The following SLCO6A1 variants were observed in gnomAD, a reference collection of about 807,000 sequenced individuals.
SLCO6A1 encodes cancer/testis antigen 48.
Under a neutral mutation model 72.7 loss-of-function variants are expected in SLCO6A1, and 65 were observed. The observed-to-expected ratio is 0.89, with a 90% confidence interval of 0.73 to 1.10. SLCO6A1 has a LOEUF of 1.10. Among genes scored for constraint, SLCO6A1 ranks in the 50% least tolerant of loss-of-function variants. SLCO6A1 has a pLI of 0.00. For missense variants in SLCO6A1, 874 were observed against 872.6 expected (o/e 1.00, Z -0.02); for synonymous variants, 314 against 298.2 (o/e 1.05, Z -0.55).
chr5:102,397,827 A>AT (rs1214530346), intron 10 of SLCO6A1, among the ~76,000 whole-genome samples: 8 of 151,986 alleles, frequency 5.3e-5, no homozygotes, highest in Admixed American at 2.0e-4. Context: ...CAACTTTGTC[A>AT]TTTTTTTGTT....
intron 4 of SLCO6A1, among the ~76,000 whole-genome samples, chr5:102,472,511 A>G (rs1288816597): frequency 1.3e-5 from 2 of 152,092 alleles, no homozygotes; most frequent in Non-Finnish European, 2.9e-5. Context: ...TCTCAACAAG[A>G]GAACAAGAAA....
intron 12 of SLCO6A1, among the ~76,000 whole-genome samples, chr5:102,375,018 C>T (rs1270943612): frequency 3.3e-5 from 5 of 152,078 alleles, no homozygotes; most frequent in Non-Finnish European, 7.4e-5. Context: ...ACAGCTTTTT[C>T]TCTGTGGTTA....
intron 12 of SLCO6A1, among the ~76,000 whole-genome samples, chr5:102,388,206 T>G (rs965740806): frequency 2.6e-5 from 4 of 152,208 alleles, no homozygotes; most frequent in Non-Finnish European, 4.4e-5. Flanking sequence ...TTTCCCAAAC[T>G]AAAATTCTGC....
At chr5:102,458,204 A>T (rs1750836525) in intron 6 of SLCO6A1, among the ~76,000 whole-genome samples, 178 bp downstream of exon 6, 1 of 152,146 alleles carries the variant, frequency 6.6e-6, no homozygotes, top group Non-Finnish European at 1.5e-5. Flanking sequence ...ATACATATGT[A>T]ACTAACCGGC....
intron 6 of SLCO6A1, among the ~76,000 whole-genome samples, chr5:102,452,087 T>C (rs62371008): frequency 0.052 from 7,886 of 152,310 alleles, 337 homozygotes; most frequent in Non-Finnish European, 0.071. Flanking sequence ...ACATTCATTT[T>C]GTCTTTTACA....
rs1252347016 is a variant in SLCO6A1, at chr5:102,372,088, C to T, written c.*51G>A. The T allele has an allele frequency of 1.3e-5, 2 of 151,934 alleles. No homozygotes were observed. Among genetic ancestry groups the T allele is most frequent in the South Asian group, 4.1e-4 (2 of 4,826 alleles). The allele number at this position is 151,934 out of a possible 1,614,324, so 9.4% of individuals were successfully genotyped here. On this transcript the variant is annotated 3_prime_UTR_variant, in exon 14 of 14. Transcript: ENST00000506729. ...TTGGAGAATCTGTAAAAGAGAAACT[C>T]GTTTTCACACTCTGATCCTCAAATG...
chr5:102,388,677 G>T lies in SLCO6A1; in HGVS notation c.2017+11C>A. On this transcript the variant is annotated intron_variant, in intron 12 of 13. Transcript: ENST00000506729. ...TTTATTTCTCTAAGTTTTTTAATAA[G>T]TATCACTTACATATTCCTACCAATA... 2 of 1,519,986 alleles carry T rather than the reference G, an allele frequency of 1.3e-6. No homozygotes were observed. Among genetic ancestry groups the T allele is most frequent in the Non-Finnish European group, 1.8e-6 (2 of 1,126,298 alleles). The allele number at this position is 1,519,986 out of a possible 1,614,324, so 94.2% of individuals were successfully genotyped here.
chr5:102,391,233 C>CT, intron 10 of SLCO6A1, 188 bp from the exon 11 acceptor site: 2 of 572,816 alleles, frequency 3.5e-6, no homozygotes, highest in South Asian at 2.3e-5. Flanking sequence ...TATCCTGCCC[C>CT]TTGCCAGCCA....
intron 7 of SLCO6A1, among the ~76,000 whole-genome samples, chr5:102,420,466 A>G (rs1307104983): frequency 2.0e-5 from 3 of 152,208 alleles, no homozygotes; most frequent in Admixed American, 2.0e-4. Flanking sequence ...CTATGAATGA[A>G]CGTTCAATAT....
intron 7 of SLCO6A1, among the ~76,000 whole-genome samples, chr5:102,426,985 G>GATA (rs1748929068): frequency 6.6e-6 from 1 of 151,952 alleles, no homozygotes; most frequent in Non-Finnish European, 1.5e-5. Context: ...GATAAAACTG[G>GATA]AAACCATCAT....
chr5:102,456,503 T>C (rs1034317597), intron 6 of SLCO6A1, among the ~76,000 whole-genome samples: 4 of 152,134 alleles, frequency 2.6e-5, no homozygotes, highest in African/African-American at 9.7e-5. Flanking sequence ...CCATTCACAA[T>C]TGCTTCAGAG....
chr5:102,485,293 TA>T (rs148761061), intron 1 of SLCO6A1, among the ~76,000 whole-genome samples: 30,328 of 117,904 alleles, frequency 0.26, 3,362 homozygotes, highest in African/African-American at 0.31. Flanking sequence ...AATAAATAAA[TA>T]AAATAAAATA....
intron 12 of SLCO6A1, among the ~76,000 whole-genome samples, chr5:102,384,954 G>A (rs554864299): frequency 6.6e-6 from 1 of 152,240 alleles, no homozygotes; most frequent in East Asian, 1.9e-4. Flanking sequence ...GTGGGAGCAG[G>A]CCTAAGCATA....
intron 7 of SLCO6A1, among the ~76,000 whole-genome samples, chr5:102,437,917 T>C: frequency 6.6e-6 from 1 of 152,172 alleles, no homozygotes; most frequent in Admixed American, 6.6e-5. Flanking sequence ...ATGCTAAAAC[T>C]TTAAAACATT....
intron 6 of SLCO6A1, among the ~76,000 whole-genome samples, chr5:102,452,629 C>A (rs1010562768): frequency 9.9e-5 from 15 of 152,160 alleles, no homozygotes; most frequent in Non-Finnish European, 1.5e-4. Context: ...TAAACTCTTT[C>A]CTTTCCTTTT....
At chr5:102,484,714 GAA>G (rs1351060444) in intron 1 of SLCO6A1, among the ~76,000 whole-genome samples, 2 of 151,978 alleles carry the variant, frequency 1.3e-5, no homozygotes. Flanking sequence ...TGGTGAAGCT[GAA>G]AAAGTTTACT....
chr5:102,443,587 TG>T (rs1749956438), intron 6 of SLCO6A1, among the ~76,000 whole-genome samples: 1 of 152,312 alleles, frequency 6.6e-6, no homozygotes, highest in Admixed American at 6.5e-5. Flanking sequence ...TGCCAAAAAC[TG>T]TAACAGTTTT....
rs1188679727 is a variant in SLCO6A1 at position 102,387,499 on chromosome 5, AT to A, written c.2017+1188del. ...TAAGACTTCCTTAAGAACATTTCTT[AT>A]TTTTGTTGAATTGCCTCTAACAAGT... is the stretch of plus-strand genomic sequence containing the variant. On this transcript the variant is annotated intron_variant, in intron 12 of 13. Coordinates refer to ENST00000506729, the MANE Select transcript of SLCO6A1 (RefSeq NM_173488.5). Among the ~76,000 whole-genome samples, 114 of 152,124 alleles carry A rather than the reference AT, an allele frequency of 7.5e-4. 1 individual carries two copies. The highest frequency in any genetic ancestry group is 3.2e-4 in the Non-Finnish European group (22 of 67,998).
At chr5:102,428,600 G>A (rs971506480) in intron 7 of SLCO6A1, among the ~76,000 whole-genome samples, 2 of 152,078 alleles carry the variant, frequency 1.3e-5, no homozygotes, top group African/African-American at 4.8e-5. Flanking sequence ...TCATTACCCA[G>A]GTAAAAAGCT....
Sources: allele counts gnomAD v4.1 joint callset (sites outside exome capture counted in the v4.1 genomes callset), GRCh38; gene constraint gnomAD v4.1.1; transcripts MANE v1.5; gene names NCBI Gene and HGNC (gene_info 2026-07-23, HGNC 2026-07-21).